Variants in MGMT observed in about 807,000 individuals in gnomAD.
MGMT encodes O-6-methylguanine-DNA methyltransferase, also known as methylated-DNA--protein-cysteine methyltransferase.
Under a neutral mutation model 15.9 loss-of-function variants are expected in MGMT, and 14 were observed. The ratio of observed to expected loss-of-function variants is 0.88; its 90% CI spans 0.58 to 1.37. The LOEUF (loss-of-function observed/expected upper bound fraction) is 1.37, where lower values mean the gene tolerates loss of function less well. Among genes scored for constraint, MGMT ranks in the 40% most tolerant of loss-of-function variants. The pLI is 0.00. For synonymous variants in MGMT, 130 were observed against 118.2 expected (o/e 1.10, Z -0.65); for missense variants, 282 against 268.1 (o/e 1.05, Z -0.36).
At chr10:129,521,187 A>G (rs1845806115) in intron 1 of MGMT, among the ~76,000 whole-genome samples, 1 of 152,084 alleles carries the variant, frequency 6.6e-6, no homozygotes, top group African/African-American at 2.4e-5. Context: ...ACATCGTCAG[A>G]GTGACCTCAC....
At chr10:129,579,557 T>C (rs1846528017) in intron 2 of MGMT, among the ~76,000 whole-genome samples, 1 of 152,262 alleles carries the variant, frequency 6.6e-6, no homozygotes, top group Non-Finnish European at 1.5e-5. Context: ...TTTAGGAGAA[T>C]GTCTTTATTG....
chr10:129,660,715 A>G (rs1178849892), intron 2 of MGMT, among the ~76,000 whole-genome samples: 1 of 152,218 alleles, frequency 6.6e-6, no homozygotes, highest in East Asian at 1.9e-4. Flanking sequence ...CCCCTCAGAA[A>G]TATGCAAAGA....
At position 129,536,365 on chromosome 10, in the gene MGMT, C is replaced by T. The variant is rs763636757; in HGVS notation, c.113C>T (p.Thr38Met). The T allele has an allele frequency of 5.3e-5, 86 of 1,612,946 alleles. No homozygotes were observed. The highest frequency in any genetic ancestry group is 1.6e-4 in the Middle Eastern group (1 of 6,078). ...LHEIKLLGKG[T>M]SAADAVEVPA... is the part of the protein sequence containing the mutation. ...GAAATAAAGCTCCTGGGCAAGGGGA[C>T]GTCTGCAGCTGAGTAAGTATGAGCC... Residue 38 changes from threonine (T) to methionine (M), a missense_variant, in exon 2 of 5, where the codon ACG becomes ATG. Transcript: ENST00000651593.
chr10:129,667,380 T>C (rs565114214), intron 2 of MGMT, among the ~76,000 whole-genome samples: 1 of 152,366 alleles, frequency 6.6e-6, no homozygotes, highest in South Asian at 2.1e-4. Flanking sequence ...AATTATGTTA[T>C]ATATTTCTTT....
At chr10:129,662,420 A>C (rs1163544628) in intron 2 of MGMT, among the ~76,000 whole-genome samples, 1 of 152,186 alleles carries the variant, frequency 6.6e-6, no homozygotes, top group Admixed American at 6.5e-5. Flanking sequence ...CTGCTGGGAC[A>C]AGTTGGTCAC....
chr10:129,633,692 C>G (rs960750864), intron 2 of MGMT, among the ~76,000 whole-genome samples: 1 of 152,188 alleles, frequency 6.6e-6, no homozygotes, highest in Non-Finnish European at 1.5e-5. Context: ...GGTGAGCCTC[C>G]TTGTAAAAGT....
chr10:129,545,189 A>G (rs145861280), intron 2 of MGMT, among the ~76,000 whole-genome samples: 4 of 152,284 alleles, frequency 2.6e-5, no homozygotes, highest in African/African-American at 9.6e-5. Context: ...TATTCCCTCT[A>G]CTTAGCTGAA....
chr10:129,485,003 T>C (rs1312987099), intron 1 of MGMT, among the ~76,000 whole-genome samples: 1 of 151,972 alleles, frequency 6.6e-6, no homozygotes, highest in Non-Finnish European at 1.5e-5. Context: ...TGTATATATA[T>C]GAAAAATAAG....
At position 129,659,022 on chromosome 10, in the gene MGMT, C is replaced by CA. The variant is rs1013113505; in HGVS notation, c.126-48864dup. On this transcript the variant is annotated intron_variant, in intron 2 of 4. Coordinates refer to ENST00000651593, the MANE Select transcript of MGMT (RefSeq NM_002412.5). The surrounding 1 kb of genome is among the most constrained non-coding windows in gnomAD (Gnocchi z 4.1). ...TTGGATTTTGTGGCTGCAACAATAA[C>CA]AAAAAAAAATCCTTGGTTCTGATGA... is the stretch of plus-strand genomic sequence containing the variant. Among the ~76,000 whole-genome samples the CA allele has an allele frequency of 7.0e-4, 106 of 151,166 alleles. No individual in the cohort carries two copies. Among genetic ancestry groups the CA allele is most frequent in the African/African-American group, 2.0e-3 (83 of 41,248 alleles).
chr10:129,763,486 G>T (rs973989984), intron 4 of MGMT, among the ~76,000 whole-genome samples: 1 of 152,134 alleles, frequency 6.6e-6, no homozygotes, highest in African/African-American at 2.4e-5. Flanking sequence ...TTGTTATTCC[G>T]TGCCATCTGT....
At position 129,624,959 on chromosome 10, in the gene MGMT, G is replaced by A. The variant is rs565610666; in HGVS notation, c.126-82936G>A. On this transcript the variant is annotated intron_variant, in intron 2 of 4. Transcript: ENST00000651593. ...GCAAAGCAGAAAATGGTATTACAGA[G>A]ATGTTAACAAAGGCAGAAATTATGT... Among the ~76,000 whole-genome samples, 9 of 152,262 alleles carry A rather than the reference G, an allele frequency of 5.9e-5. No individual in the cohort carries two copies. The South Asian group carries it at 1.9e-3, about 32-fold the overall frequency.
chr10:129,584,676 T>G (rs1846598703), intron 2 of MGMT, among the ~76,000 whole-genome samples: 2 of 152,048 alleles, frequency 1.3e-5, no homozygotes, highest in South Asian at 4.2e-4. Flanking sequence ...AGCCCACCAC[T>G]AGTCTGTCTG....
intron 3 of MGMT, among the ~76,000 whole-genome samples, chr10:129,713,961 A>G (rs1265411374): frequency 6.6e-6 from 1 of 152,092 alleles, no homozygotes; most frequent in African/African-American, 2.4e-5. Context: ...GGCTCCCGTC[A>G]CCCGTCCTGG....
In MGMT at chr10:129,517,694, A is replaced by C. The variant is rs554593662; in HGVS notation, c.-12-18547A>C. 2.6e-5 allele frequency among the ~76,000 whole-genome samples: 4 copies of C among 152,304 alleles called. No individual in the cohort carries two copies. The East Asian group carries it at 5.8e-4, about 22-fold the overall frequency. ...CTCGCCTCTGTCCTTTTCCTGTTGC[A>C]GAGGAGGAAAAAGTCTGGGGCCCTG... On this transcript the variant is annotated intron_variant, in intron 1 of 4. Coordinates refer to ENST00000651593, the MANE Select transcript of MGMT (RefSeq NM_002412.5).
chr10:129,616,736 C>T (rs1486046318), intron 2 of MGMT, among the ~76,000 whole-genome samples: 1 of 152,102 alleles, frequency 6.6e-6, no homozygotes, highest in East Asian at 1.9e-4. Flanking sequence ...GCCTGGGGAA[C>T]CTCTGTTTTC....
chr10:129,752,414 T>C (rs1213733063), intron 3 of MGMT, among the ~76,000 whole-genome samples: 4 of 152,074 alleles, frequency 2.6e-5, no homozygotes, highest in Non-Finnish European at 5.9e-5. Flanking sequence ...TGCATGTTTT[T>C]AAAAATCTAT....
intron 2 of MGMT, among the ~76,000 whole-genome samples, chr10:129,652,437 C>A (rs1276642721): frequency 6.6e-6 from 1 of 152,218 alleles, no homozygotes; most frequent in Non-Finnish European, 1.5e-5. Context: ...ACGTTTCTGA[C>A]CCTCCTGAGG....
rs55988369 is a variant in MGMT at position 129,708,198 on chromosome 10, C to T, written c.274+155C>T. On this transcript the variant is annotated intron_variant, in intron 3 of 4. Transcript: ENST00000651593. ...TGGCCGAGCTGGAGGGACGGGGGTT[C>T]GCCGCCTCCACCCACTCCAACACTT... is the stretch of plus-strand genomic sequence containing the variant. 1.4e-4 allele frequency among the ~76,000 whole-genome samples: 22 copies of T among 152,230 alleles called. No homozygotes were observed. In the East Asian group the frequency reaches 3.3e-3, roughly 23 times the overall value.
intron 2 of MGMT, among the ~76,000 whole-genome samples, chr10:129,662,900 C>T (rs911390526): frequency 1.3e-5 from 2 of 152,110 alleles, no homozygotes; most frequent in Non-Finnish European, 2.9e-5. Flanking sequence ...CAGAAACCAC[C>T]TGTATAAAGC....
Sources: gnomAD v4.1 joint callset for allele counts (sites outside exome capture counted in the v4.1 genomes callset) on GRCh38, gnomAD v4.1.1 for gene constraint, Gnocchi (gnomAD v3.1) non-coding constraint, MANE v1.5 for transcripts, NCBI Gene and HGNC (gene_info 2026-07-23, HGNC 2026-07-21) for gene names.